Variants in PARP1 observed in about 807,000 individuals in gnomAD.
The protein encoded by PARP1 is poly [ADP-ribose] polymerase 1.
A neutral mutation model predicts 118.7 loss-of-function variants in PARP1; 44 were observed. The observed-to-expected ratio is 0.37, with a 90% confidence interval of 0.29 to 0.48. The LOEUF is 0.48. PARP1 is among the 20% of genes least tolerant of loss of function. PARP1 has a pLI of 0.99. For synonymous variants in PARP1, 492 were observed against 483.2 expected (o/e 1.02, Z -0.24); for missense variants, 1,100 against 1,272.4 (o/e 0.86, Z 2.06).
chr1:226,361,935 T>C, intron 22 of PARP1, 34 bp downstream of exon 22: 2 of 1,285,438 alleles, frequency 1.6e-6, no homozygotes, highest in Non-Finnish European at 2.3e-6. Flanking sequence ...AGAACATCCC[T>C]TTGTGCTCAC....
Position 226,388,708 on chromosome 1 carries a change from T to A in PARP1, c.665A>T (p.Lys222Met). The change falls in exon 5 of 23, where the codon AAG becomes ATG. Residue 222 changes from lysine (K) to methionine (M), a missense_variant. Coordinates refer to ENST00000366794, the MANE Select transcript of PARP1 (RefSeq NM_001618.4). ...EVDGVDEVAK[K>M]KSKKEKDKDS... Reference sequence around the variant, plus strand: ...CTTGTCTTTTTCTTTTTTAGATTTCTTCTTCGCCACTTCATCCACTCCATC... The same window carrying A: ...CTTGTCTTTTTCTTTTTTAGATTTCATCTTCGCCACTTCATCCACTCCATC... The A allele has an allele frequency of 6.2e-7, 1 of 1,614,192 alleles. No individual in the cohort carries two copies. Among genetic ancestry groups the A allele is most frequent in the Non-Finnish European group, 8.5e-7 (1 of 1,180,016 alleles).
Position 226,390,463 on chromosome 1 carries a change from A to G in PARP1, c.564T>C (p.Ala188=). 6.2e-7 allele frequency: 1 copy of G among 1,614,118 alleles called. No individual in the cohort carries two copies. The highest frequency in any genetic ancestry group is 8.5e-7 in the Non-Finnish European group (1 of 1,180,028). The change falls in exon 4 of 23, where the codon GCT becomes GCC. Residue 188 remains alanine, a synonymous_variant. Transcript: ENST00000366794. ...ASQLKGFSLL[A]TEDKEALKKQ... ...TCTTCAGGGCTTCTTTATCCTCTGT[A>G]GCAAGGAGGCTGAAGCCCTTGAGCT...
intron 5 of PARP1, 40 bp from the exon 6 acceptor site, chr1:226,386,482 C>T: frequency 1.5e-6 from 2 of 1,308,672 alleles, no homozygotes; most frequent in Non-Finnish European, 1.1e-6. Flanking sequence ...TAGCTCTTTT[C>T]AAAGGAAGAA....
intron 3 of PARP1, 122 bp from the exon 4 acceptor site, chr1:226,390,746 C>A: frequency 1.2e-6 from 1 of 840,074 alleles, no homozygotes; most frequent in Admixed American, 2.0e-5. Context: ...TGCCCGCCAA[C>A]TTGAAGACTC....
chr1:226,389,904 C>T (rs2102740702), intron 4 of PARP1, among the ~76,000 whole-genome samples: 1 of 152,262 alleles, frequency 6.6e-6, no homozygotes, highest in Admixed American at 6.5e-5. Flanking sequence ...TCAAGACAGT[C>T]ACTGATGGTC....
chr1:226,386,344 C>G lies in PARP1; in HGVS notation c.816G>C (p.Val272=). ...KELLIFNKQQ[V]PSGESAILDR... ...AGCTCACCGCCGACTCCCCAGAAGG[C>G]ACTTGCTGCTTGTTGAAGATGAGTA... Residue 272 remains valine, a synonymous_variant, in exon 6 of 23, where the codon GTG becomes GTC. Coordinates refer to ENST00000366794, the MANE Select transcript of PARP1 (RefSeq NM_001618.4). The G allele has an allele frequency of 1.9e-6, 3 of 1,610,608 alleles. No homozygotes were observed. The highest frequency in any genetic ancestry group is 2.5e-6 in the Non-Finnish European group (3 of 1,176,778).
intron 8 of PARP1, among the ~76,000 whole-genome samples, chr1:226,382,231 G>A (rs180934176): frequency 1.1e-4 from 16 of 152,294 alleles, no homozygotes; most frequent in African/African-American, 3.1e-4. Flanking sequence ...AACAAGCAGC[G>A]GGTCACTTCT....
chr1:226,364,858 GT>G (rs771222819), intron 19 of PARP1, 143 bp downstream of exon 19: 48 of 916,796 alleles, frequency 5.2e-5, no homozygotes, highest in Non-Finnish European at 7.8e-5. Flanking sequence ...CAGGGTTAGG[GT>G]CAGGAGGATA....
At chr1:226,404,994 G>A (rs1307274038) in intron 1 of PARP1, among the ~76,000 whole-genome samples, 1 of 152,172 alleles carries the variant, frequency 6.6e-6, no homozygotes, top group East Asian at 1.9e-4. Context: ...CAAAATGCTG[G>A]AGGGCCCAGC....
At chr1:226,371,652 A>G (rs1014582409) in intron 14 of PARP1, among the ~76,000 whole-genome samples, 3 of 152,216 alleles carry the variant, frequency 2.0e-5, no homozygotes, top group Non-Finnish European at 4.4e-5. Context: ...AGGTACAATA[A>G]AAGAACAGAG....
At chr1:226,369,301 G>A (rs1031843707) in intron 15 of PARP1, among the ~76,000 whole-genome samples, 1 of 152,236 alleles carries the variant, frequency 6.6e-6, no homozygotes, top group Non-Finnish European at 1.5e-5. Flanking sequence ...CTTCCTGTGT[G>A]CTTTCCTTCT....
chr1:226,393,090 A>G, intron 2 of PARP1: 1 of 1,011,314 alleles, frequency 9.9e-7, no homozygotes. Context: ...CCTAAGAGAT[A>G]TCTTAAGAAA....
At chr1:226,392,427 T>G in intron 2 of PARP1, 113 bp from the exon 3 acceptor site, 7 of 783,200 alleles carry the variant, frequency 8.9e-6, no homozygotes, top group South Asian at 8.1e-5. Flanking sequence ...ACCTTATGCC[T>G]TGGGAGACTA....
chr1:226,370,817 AAT>A, intron 14 of PARP1: 1 of 425,918 alleles, frequency 2.3e-6, no homozygotes, highest in Admixed American at 3.5e-5. Flanking sequence ...GATATAGCAT[AAT>A]TCCCATCCAA....
chr1:226,361,623 A>G, intron 22 of PARP1, 82 bp from the exon 23 acceptor site: 1 of 1,012,564 alleles, frequency 9.9e-7, no homozygotes, highest in South Asian at 1.3e-5. Flanking sequence ...GGCTGGCAGG[A>G]CGCTCAGTGC....
intron 17 of PARP1, chr1:226,367,195 A>G: frequency 2.1e-6 from 1 of 466,914 alleles, no homozygotes; most frequent in Non-Finnish European, 3.9e-6. Context: ...AACAAAAAAG[A>G]ACTTTTGGTA....
chr1:226,361,459 A>G lies in PARP1; in HGVS notation c.*1T>C, dbSNP rs374503866. On this transcript the variant is annotated 3_prime_UTR_variant, in exon 23 of 23. Coordinates refer to ENST00000366794, the MANE Select transcript of PARP1 (RefSeq NM_001618.4). The stretch of plus-strand genomic sequence containing the variant: ...GGGTGTGACTCGGCTACCTCTCCCA[A>G]TTACCACAGGGAGGTCTTAAAATTG... 27 of 1,602,088 alleles carry G rather than the reference A, an allele frequency of 1.7e-5. No individual in the cohort carries two copies. Among genetic ancestry groups the G allele is most frequent in the Non-Finnish European group, 2.2e-5 (26 of 1,169,258 alleles).
Position 226,381,191 on chromosome 1 carries a change from T to G in PARP1, c.1177A>C (p.Met393Leu). The G allele has an allele frequency of 6.2e-7, 1 of 1,614,088 alleles. No homozygotes were observed. The highest frequency in any genetic ancestry group is 8.5e-7 in the Non-Finnish European group (1 of 1,180,002). ...AGCTTCCCGAGAGTCAGGATCTTCA[T>G]GTTGGATAATGGCTTATCTGGGATG... is the stretch of plus-strand genomic sequence containing the variant. ...SASADKPLSN[M>L]KILTLGKLSR... The change falls in exon 9 of 23, where the codon ATG (methionine) becomes CTG (leucine). Residue 393 changes from methionine (M) to leucine (L), a missense_variant. Physicochemically the swap from Met to Leu is conservative, Grantham distance 15. Transcript: ENST00000366794.
intron 2 of PARP1, chr1:226,402,009 C>A: frequency 6.7e-7 from 1 of 1,488,478 alleles, no homozygotes; most frequent in East Asian, 2.5e-5. Context: ...TTCCAAGCAC[C>A]TGGAAAAACA....
Sources: gnomAD v4.1 joint callset for allele counts (sites outside exome capture counted in the v4.1 genomes callset) on GRCh38, gnomAD v4.1.1 for gene constraint, MANE v1.5 for transcripts, NCBI Gene and HGNC (gene_info 2026-07-23, HGNC 2026-07-21) for gene names.